Variants in TIGD3 observed in about 807,000 individuals in gnomAD.
TIGD3 encodes the protein tigger transposable element-derived protein 3.
A neutral mutation model predicts 14.8 loss-of-function variants in TIGD3; 7 were observed. The observed-to-expected ratio is 0.47, with a 90% CI of 0.27 to 0.89. The LOEUF (loss-of-function observed/expected upper bound fraction) is 0.89. Among genes scored for constraint, TIGD3 ranks in the 40% least tolerant of loss-of-function variants. The probability of loss-of-function intolerance (pLI) is 0.13; values close to 1 mark genes in which losing one functional copy is unlikely to be tolerated. For synonymous variants in TIGD3, 243 were observed against 269.4 expected (o/e 0.90, Z 0.96); for missense variants, 581 against 611.0 (o/e 0.95, Z 0.52).
rs1490974408 is a variant in TIGD3, at chr11:65,355,860, A to T, written c.52A>T (p.Ile18Phe). Residue 18 changes from isoleucine (I) to phenylalanine (F), a missense_variant, in exon 2 of 2, where the codon ATC becomes TTC. Transcript: ENST00000309880. ...TCACGCCCTGTCCCTGGCCGAGAAG[A>T]TCCAGGTGCTGGAACTCCTGGATGA... Reference protein sequence around the residue: ...KLHALSLAEKIQVLELLDESK... With the variant: ...KLHALSLAEKFQVLELLDESK... 6.2e-7 allele frequency: 1 copy of T among 1,613,846 alleles called. No individual in the cohort carries two copies. The highest frequency in any genetic ancestry group is 2.2e-5 in the East Asian group (1 of 44,874).
Position 65,357,460 on chromosome 11 carries a change from G to C in TIGD3, c.*236G>C, listed in dbSNP as rs1042242052. The C allele has an allele frequency of 5.8e-6, 3 of 517,068 alleles. No homozygotes were observed. The highest frequency in any genetic ancestry group is 3.7e-5 in the Admixed American group (1 of 27,242). The allele number at this position is 517,068 out of a possible 1,614,324, so 32.0% of individuals were successfully genotyped here. ...AGGAATCCAGGATGCTTAGTTTCTAGACCCTGCTTGAAAGTTCTAGAGCCT... is the reference window on the plus strand; with the variant it reads ...AGGAATCCAGGATGCTTAGTTTCTACACCCTGCTTGAAAGTTCTAGAGCCT... On this transcript the variant is annotated 3_prime_UTR_variant, in exon 2 of 2. Transcript: ENST00000309880.
intron 1 of TIGD3, among the ~76,000 whole-genome samples, 165 bp downstream of exon 1, chr11:65,355,122 T>C (rs1419012785): frequency 6.6e-6 from 1 of 151,218 alleles, no homozygotes; most frequent in African/African-American, 2.4e-5. Flanking sequence ...GCCACCACCC[T>C]CCCCGCGGGG....
At position 65,356,503 on chromosome 11, in the gene TIGD3, C is replaced by G; in HGVS notation, c.695C>G (p.Pro232Arg). Reference protein sequence around the residue: ...CFFGIRSEALPASYHPDLGIP... With the variant: ...CFFGIRSEALRASYHPDLGIP... ...TTTGGGATCCGCAGTGAGGCTCTGC[C>G]TGCCTCCTACCACCCGGACCTGGGC... Residue 232 changes from proline to arginine, a missense_variant, in exon 2 of 2, where the codon CCT becomes CGT. Physicochemically the swap from Pro to Arg is moderately radical, Grantham distance 103. Transcript: ENST00000309880. This position sits in a 1 kb window ranked among gnomAD's most constrained non-coding sequence, Gnocchi z 5.2. The G allele has an allele frequency of 6.2e-7, 1 of 1,606,804 alleles. No homozygotes were observed. Among genetic ancestry groups the G allele is most frequent in the Non-Finnish European group, 8.5e-7 (1 of 1,179,960 alleles).
Position 65,356,137 on chromosome 11 carries a change from C to G in TIGD3, c.329C>G (p.Ala110Gly), listed in dbSNP as rs1176483242. ...CTGCTCCACAAAGCCAAGGAGCTGG[C>G]CGATATCATGGGCCAGGACTTCGTG... ...PMLLHKAKEL[A>G]DIMGQDFVPS... The change falls in exon 2 of 2, where the codon GCC becomes GGC. Residue 110 changes from alanine to glycine, a missense_variant. Coordinates refer to ENST00000309880, the MANE Select transcript of TIGD3 (RefSeq NM_145719.3). The surrounding 1 kb of genome is among the most constrained non-coding windows in gnomAD (Gnocchi z 5.2). 6.2e-7 allele frequency: 1 copy of G among 1,611,788 alleles called. No individual in the cohort carries two copies. The highest frequency in any genetic ancestry group is 1.1e-5 in the South Asian group (1 of 91,084).
rs1854825455 is a variant in TIGD3, at chr11:65,354,950, C to T, written c.-24C>T. 2 of 151,860 alleles carry T rather than the reference C, an allele frequency of 1.3e-5. No homozygotes were observed. Among genetic ancestry groups the T allele is most frequent in the African/African-American group, 2.4e-5 (1 of 41,340 alleles). The allele number at this position is 151,860 out of a possible 1,614,324, so 9.4% of individuals were successfully genotyped here. On this transcript the variant is annotated 5_prime_UTR_variant, in exon 1 of 2. Coordinates refer to ENST00000309880, the MANE Select transcript of TIGD3 (RefSeq NM_145719.3). ...GCAGGGGCTGGAGCCGCGGGACCAG[C>T]GCCTGAGGTGGGTGCGGAGCGGGAG...
Position 65,356,482 on chromosome 11 carries a change from G to A in TIGD3, c.674G>A (p.Gly225Glu). The change falls in exon 2 of 2, where the codon GGG (glycine) becomes GAG (glutamate). Residue 225 changes from glycine (G) to glutamate (E), a missense_variant. Physicochemically the swap from Gly to Glu is moderately conservative, Grantham distance 98 (BLOSUM62 -2). Transcript: ENST00000309880. The surrounding 1 kb of genome is among the most constrained non-coding windows in gnomAD (Gnocchi z 5.2). ...CAGGCTGCCCCGAGATGCTTCTTTG[G>A]GATCCGCAGTGAGGCTCTGCCTGCC... Reference protein sequence around the residue: ...GLQAAPRCFFGIRSEALPASY... With the variant: ...GLQAAPRCFFEIRSEALPASY... The A allele has an allele frequency of 6.2e-7, 1 of 1,607,214 alleles. No individual in the cohort carries two copies. The highest frequency in any genetic ancestry group is 8.5e-7 in the Non-Finnish European group (1 of 1,179,944).
At position 65,356,016 on chromosome 11, in the gene TIGD3, C is replaced by A; in HGVS notation, c.208C>A (p.Arg70Ser). The stretch of plus-strand genomic sequence containing the variant: ...CGGCACAGCCAACCGAGAGCGCAAG[C>A]GCAAGCGGGAGTCCAAGTACAGCGG... ...CSGTANRERK[R>S]KRESKYSGID... Residue 70 changes from arginine (R) to serine (S), a missense_variant, in exon 2 of 2, where the codon CGC becomes AGC. Transcript: ENST00000309880. The surrounding 1 kb of genome is among the most constrained non-coding windows in gnomAD (Gnocchi z 5.2). 1 of 1,613,588 alleles carries A rather than the reference C, an allele frequency of 6.2e-7. No homozygotes were observed. Among genetic ancestry groups the A allele is most frequent in the South Asian group, 1.1e-5 (1 of 91,086 alleles).
rs1854824640 is a variant in TIGD3, at chr11:65,354,887, G to A, written c.-87G>A. ...GCGCCCATCCCTCCCCTGTTCTGCT[G>A]TCGCCGCCCGGACAGGGGCTCGGGA... On this transcript the variant is annotated 5_prime_UTR_variant, in exon 1 of 2. Coordinates refer to ENST00000309880, the MANE Select transcript of TIGD3 (RefSeq NM_145719.3). 1 of 151,744 alleles carries A rather than the reference G, an allele frequency of 6.6e-6. No individual in the cohort carries two copies. The allele number at this position is 151,744 out of a possible 1,614,324, so 9.4% of individuals were successfully genotyped here. A position where few individuals can be genotyped will look rare whatever the true frequency, so the allele number is the denominator to read the frequency against.
rs1351861696 is a variant in TIGD3 at position 65,357,208 on chromosome 11, G to A, written c.1400G>A (p.Arg467Gln). The change falls in exon 2 of 2, where the codon CGG (arginine) becomes CAG (glutamine). Residue 467 changes from arginine (R) to glutamine (Q), a missense_variant. Transcript: ENST00000309880. Reference sequence around the variant, plus strand: ...TACGACTGTGAGGAGGAGGTGGAGCGGCTTTGCTGCCTATGAAGGCGCCTT... The same window carrying A: ...TACGACTGTGAGGAGGAGGTGGAGCAGCTTTGCTGCCTATGAAGGCGCCTT... ...KFYDCEEEVE[R>Q]LCCL 1.2e-6 allele frequency: 2 copies of A among 1,614,094 alleles called. No individual in the cohort carries two copies. The highest frequency in any genetic ancestry group is 1.1e-5 in the South Asian group (1 of 91,078).
Position 65,355,845 on chromosome 11 carries a change from T to C in TIGD3, c.37T>C (p.Ser13Pro). Residue 13 changes from serine to proline, a missense_variant, in exon 2 of 2, where the codon TCC (serine) becomes CCC (proline). Physicochemically the swap from Ser to Pro is moderately conservative, Grantham distance 74. Coordinates refer to ENST00000309880, the MANE Select transcript of TIGD3 (RefSeq NM_145719.3). ...LSSKKKLHAL[S>P]LAEKIQVLEL... ...CAGCAAGAAGAAGCTTCACGCCCTG[T>C]CCCTGGCCGAGAAGATCCAGGTGCT... The C allele has an allele frequency of 1.2e-6, 2 of 1,613,750 alleles. No homozygotes were observed. The highest frequency in any genetic ancestry group is 1.7e-6 in the Non-Finnish European group (2 of 1,179,974).
chr11:65,355,899 C>G lies in TIGD3; in HGVS notation c.91C>G (p.Gln31Glu). 1 of 1,613,950 alleles carries G rather than the reference C, an allele frequency of 6.2e-7. No homozygotes were observed. Among genetic ancestry groups the G allele is most frequent in the Non-Finnish European group, 8.5e-7 (1 of 1,180,032 alleles). Reference sequence around the variant, plus strand: ...ACTCCTGGATGAGTCCAAGATGTCCCAGTCGGAGGTGGCCCGGCGCTTCCA... The same window carrying G: ...ACTCCTGGATGAGTCCAAGATGTCCGAGTCGGAGGTGGCCCGGCGCTTCCA... The part of the protein sequence containing the change: ...LELLDESKMS[Q>E]SEVARRFQVS... Residue 31 changes from glutamine to glutamate, a missense_variant, in exon 2 of 2, where the codon CAG becomes GAG. Transcript: ENST00000309880.
In TIGD3 at chr11:65,357,185, C is replaced by T. The variant is rs750375970; in HGVS notation, c.1377C>T (p.Tyr459=). 5 of 1,614,074 alleles carry T rather than the reference C, an allele frequency of 3.1e-6. No individual in the cohort carries two copies. The highest frequency in any genetic ancestry group is 1.3e-5 in the African/African-American group (1 of 74,944). ...STSPELFEKF[Y]DCEEEVERLC... is the part of the protein sequence containing the mutation. ...CTCCTGAGCTATTCGAAAAATTCTACGACTGTGAGGAGGAGGTGGAGCGGC... is the reference window on the plus strand; with the variant it reads ...CTCCTGAGCTATTCGAAAAATTCTATGACTGTGAGGAGGAGGTGGAGCGGC... The change falls in exon 2 of 2, where the codon TAC becomes TAT. Residue 459 remains tyrosine, a synonymous_variant. Coordinates refer to ENST00000309880, the MANE Select transcript of TIGD3 (RefSeq NM_145719.3).
intron 1 of TIGD3, among the ~76,000 whole-genome samples, chr11:65,355,429 A>T (rs1194625405): frequency 6.3e-5 from 4 of 63,326 alleles, no homozygotes; most frequent in African/African-American, 1.8e-4. Context: ...CCTCCCCCGC[A>T]GCCCCGTAGC....
In TIGD3 at chr11:65,357,410, G is replaced by A; in HGVS notation, c.*186G>A. 1 of 613,432 alleles carries A rather than the reference G, an allele frequency of 1.6e-6. No homozygotes were observed. The highest frequency in any genetic ancestry group is 2.1e-5 in the South Asian group (1 of 48,516). The allele number at this position is 613,432 out of a possible 1,614,324, so 38.0% of individuals were successfully genotyped here. ...CAGTCGTCCAAACCCCAGGAAGAGA[G>A]CTCTAAAGATGGGGCTTCGGGGGTA... On this transcript the variant is annotated 3_prime_UTR_variant, in exon 2 of 2. Transcript: ENST00000309880.
In TIGD3 at chr11:65,357,168, C is replaced by T. The variant is rs1854870163; in HGVS notation, c.1360C>T (p.Leu454=). The change falls in exon 2 of 2, where the codon CTA becomes TTA. Residue 454 remains leucine (L), a synonymous_variant. Transcript: ENST00000309880. ...TGAATGCAACAGCACTTCTCCTGAG[C>T]TATTCGAAAAATTCTACGACTGTGA... is the stretch of plus-strand genomic sequence containing the variant. The part of the protein sequence containing the change: ...WFECNSTSPE[L]FEKFYDCEEE... The T allele has an allele frequency of 6.2e-7, 1 of 1,614,106 alleles. No individual in the cohort carries two copies. Among genetic ancestry groups the T allele is most frequent in the African/African-American group, 1.3e-5 (1 of 74,940 alleles).
At chr11:65,355,465 T>G (rs900441898) in intron 1 of TIGD3, among the ~76,000 whole-genome samples, 1 of 127,182 alleles carries the variant, frequency 7.9e-6, no homozygotes, top group Non-Finnish European at 1.6e-5. Flanking sequence ...TCGGCCCCAG[T>G]CCCAGGCCCT....
Position 65,357,555 on chromosome 11 carries a change from C to A in TIGD3, c.*331C>A, listed in dbSNP as rs1344400600. On this transcript the variant is annotated 3_prime_UTR_variant, in exon 2 of 2. Transcript: ENST00000309880. ...TTTGGGCTTTTTGGACAGACTGCTTCCTTGAACTTTGTGTTAAAAACAGTT... is the reference window on the plus strand; with the variant it reads ...TTTGGGCTTTTTGGACAGACTGCTTACTTGAACTTTGTGTTAAAAACAGTT... The A allele has an allele frequency of 8.1e-6, 2 of 247,296 alleles. No homozygotes were observed. The highest frequency in any genetic ancestry group is 2.2e-4 in the East Asian group (2 of 9,214). The allele number at this position is 247,296 out of a possible 1,614,324, so 15.3% of individuals were successfully genotyped here.
At position 65,357,069 on chromosome 11, in the gene TIGD3, A is replaced by T. The variant is rs1474943252; in HGVS notation, c.1261A>T (p.Arg421Ter). 6.2e-7 allele frequency: 1 copy of T among 1,613,692 alleles called. No homozygotes were observed. Among genetic ancestry groups the T allele is most frequent in the Non-Finnish European group, 8.5e-7 (1 of 1,179,684 alleles). The change falls in exon 2 of 2, where the codon AGA (arginine) becomes TGA (stop). Residue 421 changes from arginine to a stop codon, truncating the protein, a stop_gained. Coordinates refer to ENST00000309880, the MANE Select transcript of TIGD3 (RefSeq NM_145719.3). LOFTEE classifies it high-confidence loss of function. ...AGGCACTGAAGACGAGAAGGGGGAC[A>T]GAGAGGGTGCCTTTGAGCCCCTGCC... ...EIGTEDEKGD[R>*]EGAFEPLPTK...
rs1854859091 is a variant in TIGD3, at chr11:65,356,636, G to C, written c.828G>C (p.Leu276=). The part of the protein sequence containing the change: ...AARVVEELAG[L]PGLYHVKLLP... The stretch of plus-strand genomic sequence containing the variant: ...GAGTGGTGGAGGAGCTGGCAGGCCT[G>C]CCTGGGCTCTACCACGTGAAGCTCT... The change falls in exon 2 of 2, where the codon CTG becomes CTC. Residue 276 remains leucine (L), a synonymous_variant. Coordinates refer to ENST00000309880, the MANE Select transcript of TIGD3 (RefSeq NM_145719.3). This position sits in a 1 kb window ranked among gnomAD's most constrained non-coding sequence, Gnocchi z 5.2. 1.2e-6 allele frequency: 2 copies of C among 1,612,558 alleles called. No individual in the cohort carries two copies. Among genetic ancestry groups the C allele is most frequent in the Non-Finnish European group, 1.7e-6 (2 of 1,179,994 alleles).
Sources: allele counts gnomAD v4.1 joint callset (sites outside exome capture counted in the v4.1 genomes callset), GRCh38; gene constraint gnomAD v4.1.1; non-coding constraint Gnocchi (gnomAD v3.1); transcripts MANE v1.5; gene names NCBI Gene and HGNC (gene_info 2026-07-23, HGNC 2026-07-21).